The following TMEM255B variants were observed in gnomAD, a reference collection of about 807,000 sequenced individuals.
The protein encoded by TMEM255B is family with sequence similarity 70, member B.
A neutral mutation model predicts 34.5 loss-of-function variants in TMEM255B; 35 were observed. The observed-to-expected ratio is 1.01, with a 90% CI of 0.77 to 1.34. The LOEUF (loss-of-function observed/expected upper bound fraction) is 1.34. Among genes scored for constraint, TMEM255B ranks in the 40% most tolerant of loss-of-function variants. The probability of loss-of-function intolerance (pLI) is 0.00; values close to 1 mark genes in which losing one functional copy is unlikely to be tolerated. For synonymous variants in TMEM255B, 206 were observed against 201.2 expected, an observed-to-expected ratio of 1.02 and a Z score of -0.20; for missense variants, 432 against 433.2, an observed-to-expected ratio of 1.00 and a Z score of 0.02.
chr13:113,786,465 T>A (rs992876782), intron 3 of TMEM255B, among the ~76,000 whole-genome samples: 4 of 151,622 alleles, frequency 2.6e-5, no homozygotes, highest in African/African-American at 9.7e-5. Flanking sequence ...ATCACCATCA[T>A]CAGTGTCATC....
At chr13:113,791,880 G>A (rs1210410467) in intron 3 of TMEM255B, among the ~76,000 whole-genome samples, 1 of 152,246 alleles carries the variant, frequency 6.6e-6, no homozygotes, top group Non-Finnish European at 1.5e-5. Context: ...AATGCTGGAA[G>A]CATGTCTGCA....
intron 8 of TMEM255B, among the ~76,000 whole-genome samples, chr13:113,808,928 T>C (rs1434774276): frequency 7.1e-6 from 1 of 141,538 alleles, no homozygotes; most frequent in African/African-American, 2.6e-5. Flanking sequence ...CTGTGGTTCT[T>C]GGGGATTTAT....
At chr13:113,805,181 CAG>C (rs2051147626) in intron 8 of TMEM255B, among the ~76,000 whole-genome samples, 153 bp downstream of exon 8, 1 of 152,206 alleles carries the variant, frequency 6.6e-6, no homozygotes, top group South Asian at 2.1e-4. Flanking sequence ...ACCCTGCCGT[CAG>C]GGCACAACCT....
At chr13:113,801,108 C>A (rs201564722) in intron 6 of TMEM255B, among the ~76,000 whole-genome samples, 196 bp downstream of exon 6, 2 of 152,178 alleles carry the variant, frequency 1.3e-5, no homozygotes, top group African/African-American at 2.4e-5. Context: ...TGACATCACC[C>A]CCCCCACACC....
chr13:113,787,359 G>T (rs542971259), intron 3 of TMEM255B, among the ~76,000 whole-genome samples: 1 of 152,316 alleles, frequency 6.6e-6, no homozygotes, highest in South Asian at 2.1e-4. Context: ...GTTTTTAAAC[G>T]TTCTAAGAAT....
chr13:113,810,083 C>T (rs984776540), intron 8 of TMEM255B, among the ~76,000 whole-genome samples: 1 of 152,164 alleles, frequency 6.6e-6, no homozygotes, highest in African/African-American at 2.4e-5. Context: ...TCCAGAGGTC[C>T]TGCTAGCTCC....
intron 3 of TMEM255B, among the ~76,000 whole-genome samples, chr13:113,776,910 G>A (rs1054177474): frequency 6.6e-6 from 1 of 152,162 alleles, no homozygotes; most frequent in African/African-American, 2.4e-5. Flanking sequence ...GGTCCCAGGA[G>A]CCAACGCCTA....
Position 113,769,331 on chromosome 13 carries a change from G to A in TMEM255B, c.252+171G>A, listed in dbSNP as rs1317815688. 6.6e-6 allele frequency among the ~76,000 whole-genome samples: 1 copy of A among 152,186 alleles called. No individual in the cohort carries two copies. Among genetic ancestry groups the A allele is most frequent in the East Asian group, 1.9e-4 (1 of 5,192 alleles). On this transcript the variant is annotated intron_variant, in intron 3 of 8. Transcript: ENST00000375353. This position sits in a 1 kb window ranked among gnomAD's most constrained non-coding sequence, Gnocchi z 4.2. ...TGCACAGTCCTGGATACAGGGTTCA[G>A]CGAGTACCATTCACACCTTAGTCTA...
At chr13:113,779,754 T>G (rs1009067523) in intron 3 of TMEM255B, among the ~76,000 whole-genome samples, 3 of 152,238 alleles carry the variant, frequency 2.0e-5, no homozygotes, top group Non-Finnish European at 4.4e-5. Context: ...TTGAAAACAT[T>G]ATTTTGGAGA....
chr13:113,801,539 C>G, intron 6 of TMEM255B, 114 bp from the exon 7 acceptor site: 1 of 1,259,800 alleles, frequency 7.9e-7, no homozygotes, highest in South Asian at 1.6e-5. Context: ...TGACTGGGCT[C>G]CAGCCCTGAT....
At chr13:113,759,451 C>T (rs1427434492) in intron 1 of TMEM255B, 136 bp downstream of exon 1, 17 of 778,852 alleles carry the variant, frequency 2.2e-5, no homozygotes, top group Non-Finnish European at 2.8e-5. Flanking sequence ...CCTCCGCCTC[C>T]TTCGAGCTCT....
In TMEM255B at chr13:113,813,611, G is replaced by C. The variant is rs1359305569; in HGVS notation, c.*1708G>C. The C allele has an allele frequency of 6.7e-6, 1 of 149,750 alleles. No individual in the cohort carries two copies. Among genetic ancestry groups the C allele is most frequent in the Non-Finnish European group, 1.5e-5 (1 of 66,370 alleles). 9.3% of individuals were successfully genotyped at this position (149,750 alleles called of 1,614,324 possible). On this transcript the variant is annotated 3_prime_UTR_variant, in exon 9 of 9. Transcript: ENST00000375353. Reference sequence around the variant, plus strand: ...CTCCGCTGCCCGGGAGCCTCCCTCTGCCCGACGGAGGGTCTCATCCTGTGT... The same window carrying C: ...CTCCGCTGCCCGGGAGCCTCCCTCTCCCCGACGGAGGGTCTCATCCTGTGT...
chr13:113,761,863 G>C (rs986756453), intron 1 of TMEM255B, among the ~76,000 whole-genome samples: 23 of 152,102 alleles, frequency 1.5e-4, no homozygotes, highest in Non-Finnish European at 2.5e-4. Flanking sequence ...CCCGGGAACC[G>C]GCGACAAACA....
chr13:113,807,387 T>C (rs1316660781), intron 8 of TMEM255B, among the ~76,000 whole-genome samples: 1 of 111,650 alleles, frequency 9.0e-6, no homozygotes, highest in Admixed American at 1.0e-4. Context: ...GTGGGGGTGG[T>C]CCTCCCTGTC....
chr13:113,759,338 G>T (rs2050253527), intron 1 of TMEM255B, 23 bp downstream of exon 1: 1 of 1,229,342 alleles, frequency 8.1e-7, no homozygotes. Flanking sequence ...CTGGGGGCTC[G>T]TCTCGGCTCC....
At chr13:113,809,037 T>C (rs2051247455) in intron 8 of TMEM255B, among the ~76,000 whole-genome samples, 2 of 130,744 alleles carry the variant, frequency 1.5e-5, no homozygotes, top group Admixed American at 7.8e-5. Context: ...TCTGTGGTTT[T>C]TGGGGGGAGG....
rs2050453948 is a variant in TMEM255B, at chr13:113,770,116, AAAAG to A, written c.252+962_252+965del. Among the ~76,000 whole-genome samples the A allele has an allele frequency of 6.6e-6, 1 of 152,228 alleles. No individual in the cohort carries two copies. On this transcript the variant is annotated intron_variant, in intron 3 of 8. Transcript: ENST00000375353. The surrounding 1 kb of genome is among the most constrained non-coding windows in gnomAD (Gnocchi z 4.6). ...ACGTACCCAAGACTGGGCAGTTTAC[AAAAG>A]AAAGAGGTTTAATTGAACTCACAGT...
chr13:113,772,198 C>G (rs2050489820), intron 3 of TMEM255B, among the ~76,000 whole-genome samples: 1 of 152,136 alleles, frequency 6.6e-6, no homozygotes, highest in South Asian at 2.1e-4. Context: ...GCTGCCTTTT[C>G]CTGTTGAGTC....
intron 5 of TMEM255B, chr13:113,799,970 G>A (rs891389148): frequency 1.6e-6 from 2 of 1,276,104 alleles, no homozygotes; most frequent in African/African-American, 3.1e-5. Flanking sequence ...CTCATCCTCA[G>A]CACGCGTGTC....
Sources: gnomAD v4.1 joint callset for allele counts (sites outside exome capture counted in the v4.1 genomes callset) on GRCh38, gnomAD v4.1.1 for gene constraint, Gnocchi (gnomAD v3.1) non-coding constraint, MANE v1.5 for transcripts, NCBI Gene and HGNC (gene_info 2026-07-23, HGNC 2026-07-21) for gene names.